Variants in RUNDC3B observed in about 807,000 individuals in gnomAD.
The protein encoded by RUNDC3B is RUN domain-containing protein 3B.
A neutral mutation model predicts 58.4 loss-of-function variants in RUNDC3B; 33 were observed. The ratio of observed to expected loss-of-function variants is 0.56; its 90% CI spans 0.43 to 0.75. RUNDC3B has a LOEUF of 0.75. Among genes scored for constraint, RUNDC3B ranks in the 30% least tolerant of loss-of-function variants. The probability of loss-of-function intolerance (pLI) is 0.00; values close to 1 mark genes in which losing one functional copy is unlikely to be tolerated. For missense variants in RUNDC3B, 501 were observed against 535.7 expected, an observed-to-expected ratio of 0.94 and a Z score of 0.64; for synonymous variants, 193 against 195.2, an observed-to-expected ratio of 0.99 and a Z score of 0.10.
At position 87,831,560 on chromosome 7, in the gene RUNDC3B, C is replaced by T. The variant is rs562677910; in HGVS notation, c.*1530C>T. ...CTTTATTCCTTTAAGCTTAAGGCTT[C>T]AATACTTGTAGAAATGCAAATATTC... On this transcript the variant is annotated 3_prime_UTR_variant, in exon 11 of 11. Coordinates refer to ENST00000394654, the MANE Select transcript of RUNDC3B (RefSeq NM_001134405.2). The T allele has an allele frequency of 2.6e-5, 4 of 151,968 alleles. No individual in the cohort carries two copies. The East Asian group carries it at 7.7e-4, about 29-fold the overall frequency. The allele number at this position is 151,968 out of a possible 1,614,324, so 9.4% of individuals were successfully genotyped here.
intron 6 of RUNDC3B, among the ~76,000 whole-genome samples, chr7:87,750,805 A>G (rs1333477200): frequency 3.3e-5 from 5 of 150,832 alleles, no homozygotes; most frequent in South Asian, 2.1e-4. Flanking sequence ...GTAGGTTGCG[A>G]AAATTTTCTC....
chr7:87,778,945 T>A (rs1014106486), intron 8 of RUNDC3B, among the ~76,000 whole-genome samples: 14 of 152,166 alleles, frequency 9.2e-5, no homozygotes, highest in Admixed American at 1.3e-4. Context: ...TTCAAAGAAT[T>A]CCCATATGAT....
At chr7:87,807,947 C>G (rs1432011561) in intron 9 of RUNDC3B, among the ~76,000 whole-genome samples, 2 of 152,062 alleles carry the variant, frequency 1.3e-5, no homozygotes, top group East Asian at 3.9e-4. Context: ...AAGATATAAT[C>G]ACTTCACCTA....
chr7:87,689,311 G>A (rs149408635), intron 2 of RUNDC3B, among the ~76,000 whole-genome samples: 3 of 152,028 alleles, frequency 2.0e-5, no homozygotes, highest in Non-Finnish European at 4.4e-5. Flanking sequence ...TCTGTTTATA[G>A]CCCTTTGAGT....
intron 6 of RUNDC3B, among the ~76,000 whole-genome samples, chr7:87,746,025 A>G (rs1254631065): frequency 6.6e-6 from 1 of 151,984 alleles, no homozygotes; most frequent in Non-Finnish European, 1.5e-5. Context: ...AGTTTGAAAA[A>G]TTTTTTATTT....
At chr7:87,800,712 AT>A (rs1836101590) in intron 8 of RUNDC3B, among the ~76,000 whole-genome samples, 1 of 151,540 alleles carries the variant, frequency 6.6e-6, no homozygotes, top group African/African-American at 2.4e-5. Flanking sequence ...CAGTGGCACA[AT>A]CACAGCTCAC....
intron 9 of RUNDC3B, 94 bp downstream of exon 9, chr7:87,807,613 C>A: frequency 1.1e-6 from 1 of 885,710 alleles, no homozygotes; most frequent in Non-Finnish European, 1.8e-6. Flanking sequence ...TCTTTCTGAA[C>A]TTATTATTAT....
intron 8 of RUNDC3B, among the ~76,000 whole-genome samples, chr7:87,784,507 G>A (rs1351223803): frequency 6.6e-6 from 1 of 152,012 alleles, no homozygotes; most frequent in African/African-American, 2.4e-5. Context: ...GGGTTCCTTA[G>A]TTTGGGCTAG....
intron 2 of RUNDC3B, among the ~76,000 whole-genome samples, chr7:87,665,503 A>G (rs1227329428): frequency 2.0e-5 from 3 of 152,148 alleles, no homozygotes; most frequent in Non-Finnish European, 4.4e-5. Flanking sequence ...TTAAATGTCC[A>G]TACTACCCAA....
At chr7:87,642,991 C>T (rs2130308251) in intron 1 of RUNDC3B, among the ~76,000 whole-genome samples, 1 of 152,252 alleles carries the variant, frequency 6.6e-6, no homozygotes, top group Admixed American at 6.5e-5. Flanking sequence ...CCATAGCCCA[C>T]TGTAACCTTG....
chr7:87,708,287 T>C (rs1278014546), intron 3 of RUNDC3B, among the ~76,000 whole-genome samples: 2 of 152,026 alleles, frequency 1.3e-5, no homozygotes, highest in South Asian at 2.1e-4. Context: ...AAATTACCGA[T>C]ATGAGGAATG....
chr7:87,755,939 A>G (rs1027679843), intron 6 of RUNDC3B, among the ~76,000 whole-genome samples: 1 of 152,070 alleles, frequency 6.6e-6, no homozygotes. Context: ...ATAATTTACA[A>G]GAAGAGTAAA....
intron 7 of RUNDC3B, among the ~76,000 whole-genome samples, chr7:87,771,342 CATA>C (rs1834270668): frequency 6.6e-6 from 1 of 151,836 alleles, no homozygotes; most frequent in Non-Finnish European, 1.5e-5. Context: ...GGGAAATTGT[CATA>C]ATTTTATAAA....
At chr7:87,724,081 G>A (rs1039753857) in intron 4 of RUNDC3B, among the ~76,000 whole-genome samples, 3 of 152,068 alleles carry the variant, frequency 2.0e-5, no homozygotes, top group African/African-American at 4.8e-5. Flanking sequence ...AAACCACGTG[G>A]GTGTGGTAGT....
intron 2 of RUNDC3B, among the ~76,000 whole-genome samples, chr7:87,691,584 A>G (rs1828018563): frequency 6.6e-6 from 1 of 152,218 alleles, no homozygotes; most frequent in Non-Finnish European, 1.5e-5. Context: ...TCTACAAACA[A>G]GCCCTGGGCC....
At chr7:87,709,485 A>C in intron 3 of RUNDC3B, 19 of 985,436 alleles carry the variant, frequency 1.9e-5, no homozygotes, top group South Asian at 4.7e-5. Flanking sequence ...GCACAGGGCA[A>C]GCTAAAAGGG....
intron 8 of RUNDC3B, among the ~76,000 whole-genome samples, chr7:87,780,195 A>G (rs1368917295): frequency 6.6e-6 from 1 of 152,200 alleles, no homozygotes; most frequent in Non-Finnish European, 1.5e-5. Flanking sequence ...AAGTTATTTG[A>G]GAAATCTCCA....
intron 1 of RUNDC3B, among the ~76,000 whole-genome samples, chr7:87,634,219 T>C (rs1251987175): frequency 6.6e-6 from 1 of 152,128 alleles, no homozygotes; most frequent in Non-Finnish European, 1.5e-5. Flanking sequence ...AAATACTTCC[T>C]GCTAGGCCCC....
At chr7:87,726,806 C>T (rs1457349860) in intron 4 of RUNDC3B, among the ~76,000 whole-genome samples, 2 of 152,086 alleles carry the variant, frequency 1.3e-5, no homozygotes, top group South Asian at 4.1e-4. Flanking sequence ...CCTTCACATC[C>T]CTTGTAAGTT....
Sources: gnomAD v4.1 joint callset for allele counts (sites outside exome capture counted in the v4.1 genomes callset) on GRCh38, gnomAD v4.1.1 for gene constraint, MANE v1.5 for transcripts, NCBI Gene and HGNC (gene_info 2026-07-23, HGNC 2026-07-21) for gene names.